NCOA6: variants seen among roughly 807,000 people sequenced by gnomAD.
The protein encoded by NCOA6 is NRC RAP250.
Under a neutral mutation model 171.4 loss-of-function variants are expected in NCOA6, and 49 were observed. The observed-to-expected ratio is 0.29, with a 90% CI of 0.23 to 0.36. The LOEUF (loss-of-function observed/expected upper bound fraction) is 0.36, where lower values mean the gene tolerates loss of function less well. Ranked by LOEUF, NCOA6 falls within the 10% of genes least tolerant of loss-of-function variation. The pLI is 1.00. For synonymous variants in NCOA6, 910 were observed against 927.5 expected (o/e 0.98, Z 0.34); for missense variants, 2,248 against 2,554.5 (o/e 0.88, Z 2.59).
In NCOA6 at chr20:34,788,384, T is replaced by C. The variant is rs558246690; in HGVS notation, c.-50+4066A>G. Among the ~76,000 whole-genome samples, 9 of 152,266 alleles carry C rather than the reference T, an allele frequency of 5.9e-5. No individual in the cohort carries two copies. In the East Asian group the frequency reaches 9.7e-4, roughly 16 times the overall value. On this transcript the variant is annotated intron_variant, in intron 2 of 14. Coordinates refer to ENST00000359003, the MANE Select transcript of NCOA6 (RefSeq NM_014071.5). ...TGGCCTATACCTACTTTTAAGCATG[T>C]AGATTAACAGGTGGTTTATGCAGAA... is the stretch of plus-strand genomic sequence containing the variant.
In NCOA6 at chr20:34,721,238, C is replaced by CAAAA. The variant is rs10531679; in HGVS notation, c.6149-5877_6149-5874dup. ...CTCCCCTTCCCCTTCTTCCTCTATA[C>CAAAA]AAAAAAAAAAAAAAAAAAAAAAAAA... On this transcript the variant is annotated intron_variant, in intron 14 of 14. Coordinates refer to ENST00000359003, the MANE Select transcript of NCOA6 (RefSeq NM_014071.5). 8.2e-4 allele frequency among the ~76,000 whole-genome samples: 54 copies of CAAAA among 66,046 alleles called. 1 individual carries two copies. Among genetic ancestry groups the CAAAA allele is most frequent in the African/African-American group, 1.8e-3 (29 of 15,720 alleles). The allele number at this position is 66,046 out of a possible 152,430, so 43.3% of individuals were successfully genotyped here.
At chr20:34,776,573 C>A (rs1435175312) in intron 3 of NCOA6, 125 bp from the exon 4 acceptor site, 2 of 1,122,756 alleles carry the variant, frequency 1.8e-6, no homozygotes, top group Non-Finnish European at 2.6e-6. Flanking sequence ...GCTAACAGAG[C>A]ATATGCTTTG....
intron 1 of NCOA6, among the ~76,000 whole-genome samples, chr20:34,822,480 C>A (rs2079035876): frequency 6.6e-6 from 1 of 152,188 alleles, no homozygotes; most frequent in Non-Finnish European, 1.5e-5. Flanking sequence ...AAATGTCACC[C>A]CTTCGCAACA....
intron 2 of NCOA6, among the ~76,000 whole-genome samples, chr20:34,788,515 C>T (rs2077759020): frequency 6.6e-6 from 1 of 152,164 alleles, no homozygotes; most frequent in Admixed American, 6.5e-5. Flanking sequence ...ACATGGCACA[C>T]TGGTGGATGT....
At chr20:34,729,634 G>A (rs1232643963) in intron 13 of NCOA6, among the ~76,000 whole-genome samples, 1 of 152,174 alleles carries the variant, frequency 6.6e-6, no homozygotes. Flanking sequence ...CCCAAGTAGA[G>A]CTGTCTCTTT....
rs534093377 is a variant in NCOA6, at chr20:34,815,829, T to C, written c.-164+9643A>G. Reference sequence around the variant, plus strand: ...AAAATGAGGGAGGCTGGGTGTGTTGTCATTGACCATCTGTTTTTCTACAGG... The same window carrying C: ...AAAATGAGGGAGGCTGGGTGTGTTGCCATTGACCATCTGTTTTTCTACAGG... On this transcript the variant is annotated intron_variant, in intron 1 of 14. Transcript: ENST00000359003. 5.9e-5 allele frequency among the ~76,000 whole-genome samples: 9 copies of C among 152,314 alleles called. No homozygotes were observed. In the East Asian group the frequency reaches 1.5e-3, roughly 26 times the overall value.
At chr20:34,793,030 G>A (rs964613226) in intron 1 of NCOA6, among the ~76,000 whole-genome samples, 2 of 151,856 alleles carry the variant, frequency 1.3e-5, no homozygotes, top group African/African-American at 2.4e-5. Context: ...CGATCCACCC[G>A]CCTGAGCCTC....
intron 5 of NCOA6, among the ~76,000 whole-genome samples, chr20:34,761,172 T>C (rs549290463): frequency 3.3e-4 from 50 of 152,340 alleles, no homozygotes; most frequent in Admixed American, 6.5e-4. Flanking sequence ...TTTTGATTCA[T>C]ATTTTACTTA....
intron 2 of NCOA6, among the ~76,000 whole-genome samples, chr20:34,789,952 C>T (rs765839817): frequency 2.6e-5 from 4 of 151,178 alleles, no homozygotes; most frequent in Non-Finnish European, 4.4e-5. Context: ...TAAGAAAGGC[C>T]GGGCGGGCAC....
intron 1 of NCOA6, among the ~76,000 whole-genome samples, chr20:34,816,481 A>G (rs2078839522): frequency 6.6e-6 from 1 of 152,142 alleles, no homozygotes; most frequent in African/African-American, 2.4e-5. Flanking sequence ...TGATGCAGCT[A>G]CAAGCCAAGG....
chr20:34,778,431 ATT>A (rs746819072), intron 3 of NCOA6, among the ~76,000 whole-genome samples: 3 of 141,344 alleles, frequency 2.1e-5, no homozygotes, highest in African/African-American at 2.6e-5. Flanking sequence ...GAGACGTTCA[ATT>A]TTTTTTTTTT....
rs202200188 is a variant in NCOA6, at chr20:34,812,638, T to TA, written c.-164+12833dup. Among the ~76,000 whole-genome samples, 1,253 of 151,374 alleles carry TA rather than the reference T, an allele frequency of 8.3e-3. 9 individuals are homozygous for TA. Among genetic ancestry groups the TA allele is most frequent in the Non-Finnish European group, 0.012 (817 of 67,780 alleles). ...GTGAGATTTTTCCCACGTTGTTACATAAAAAAAACAAAGAAATAAATCTGT... is the reference window on the plus strand; with the variant it reads ...GTGAGATTTTTCCCACGTTGTTACATAAAAAAAAACAAAGAAATAAATCTGT... On this transcript the variant is annotated intron_variant, in intron 1 of 14. Transcript: ENST00000359003.
chr20:34,740,286 A>G, intron 11 of NCOA6, 77 bp downstream of exon 11: 1 of 1,508,216 alleles, frequency 6.6e-7, no homozygotes, highest in South Asian at 1.3e-5. Context: ...CAAGTAAAAA[A>G]GGAGTCATGC....
chr20:34,822,589 CAT>C (rs2079040033), intron 1 of NCOA6, among the ~76,000 whole-genome samples: 1 of 152,238 alleles, frequency 6.6e-6, no homozygotes, highest in South Asian at 2.1e-4. Context: ...TGATTGTTCA[CAT>C]GTCTACTTCA....
chr20:34,803,867 C>T (rs1324815906), intron 1 of NCOA6, among the ~76,000 whole-genome samples: 2 of 151,722 alleles, frequency 1.3e-5, no homozygotes, highest in Non-Finnish European at 2.9e-5. Context: ...GGTGTGGTGG[C>T]ACACACCTGT....
chr20:34,716,360 T>C (rs1487417637), intron 14 of NCOA6, among the ~76,000 whole-genome samples: 1 of 152,192 alleles, frequency 6.6e-6, no homozygotes, highest in Non-Finnish European at 1.5e-5. Flanking sequence ...AGAATGACAG[T>C]GACATACAGG....
chr20:34,742,617 G>C lies in NCOA6; in HGVS notation c.3639C>G (p.Asn1213Lys). 6.2e-7 allele frequency: 1 copy of C among 1,614,204 alleles called. No homozygotes were observed. Among genetic ancestry groups the C allele is most frequent in the Non-Finnish European group, 8.5e-7 (1 of 1,180,028 alleles). Residue 1213 changes from asparagine to lysine, a missense_variant, in exon 11 of 15, where the codon AAC becomes AAG. This residue lies in a region of NCOA6 where 352 missense variants were observed against 419.1 expected (regional missense o/e 0.84). Transcript: ENST00000359003. ...GATAATAGGGTCTGGGGCTGGCTCTGTTTGGTGTTTTGGGCCTAGATGTCT... is the reference window on the plus strand; with the variant it reads ...GATAATAGGGTCTGGGGCTGGCTCTCTTTGGTGTTTTGGGCCTAGATGTCT... ...PTQTSRPKTP[N>K]RASPRPYYPQ...
At chr20:34,804,608 CTAA>C (rs1307269289) in intron 1 of NCOA6, among the ~76,000 whole-genome samples, 1 of 151,448 alleles carries the variant, frequency 6.6e-6, no homozygotes, top group Admixed American at 6.6e-5. Flanking sequence ...CCCATTGAGA[CTAA>C]TGTTTTTGAG....
At position 34,740,752 on chromosome 20, in the gene NCOA6, A is replaced by T; in HGVS notation, c.5504T>A (p.Val1835Asp). The T allele has an allele frequency of 6.2e-7, 1 of 1,614,170 alleles. No homozygotes were observed. The change falls in exon 11 of 15, where the codon GTT becomes GAT. Residue 1835 changes from valine (V) to aspartate (D), a missense_variant. Physicochemically the swap from Val to Asp is radical, Grantham distance 152. Coordinates refer to ENST00000359003, the MANE Select transcript of NCOA6 (RefSeq NM_014071.5). ...QILLTKACKKVTGSLEKGEEQ... is the reference protein window; with the variant it reads ...QILLTKACKKDTGSLEKGEEQ... ...TTCCCCTTTCTCAAGAGAGCCTGTA[A>T]CTTTCTTACATGCCTTGGTCAACAA... is the stretch of plus-strand genomic sequence containing the variant.
Sources: gnomAD v4.1 joint callset for allele counts (sites outside exome capture counted in the v4.1 genomes callset) on GRCh38, gnomAD v4.1.1 for gene constraint, gnomAD v4.1.1 regional missense constraint, MANE v1.5 for transcripts, NCBI Gene and HGNC (gene_info 2026-07-23, HGNC 2026-07-21) for gene names.